DCUN1D4: variants seen among roughly 807,000 people sequenced by gnomAD.
DCUN1D4 encodes the protein defective in cullin neddylation 1 domain containing 4.
DCUN1D4 carries 22 observed loss-of-function variants against 47.9 expected under a neutral mutation model. The ratio of observed to expected loss-of-function variants is 0.46; its 90% CI spans 0.33 to 0.66. The LOEUF (loss-of-function observed/expected upper bound fraction) is 0.66. Among genes scored for constraint, DCUN1D4 ranks in the 30% least tolerant of loss-of-function variants. The probability of loss-of-function intolerance (pLI) is 0.02; values close to 1 mark genes in which losing one functional copy is unlikely to be tolerated. For missense variants in DCUN1D4, 301 were observed against 340.8 expected, an observed-to-expected ratio of 0.88 and a Z score of 0.92; for synonymous variants, 121 against 112.2, an observed-to-expected ratio of 1.08 and a Z score of -0.50.
At chr4:51,888,088 C>T (rs940075019) in intron 6 of DCUN1D4, among the ~76,000 whole-genome samples, 1 of 151,988 alleles carries the variant, frequency 6.6e-6, no homozygotes, top group African/African-American at 2.4e-5. Flanking sequence ...CCAAGCTTGG[C>T]AGAGTGTTTT....
At chr4:51,869,607 A>T (rs967211508) in intron 3 of DCUN1D4, among the ~76,000 whole-genome samples, 8 of 150,488 alleles carry the variant, frequency 5.3e-5, no homozygotes, top group Non-Finnish European at 8.8e-5. Flanking sequence ...CAGAAAGATT[A>T]AAAAAAAAGG....
intron 7 of DCUN1D4, among the ~76,000 whole-genome samples, chr4:51,898,210 GC>G (rs939846232): frequency 5.5e-4 from 83 of 152,218 alleles, no homozygotes; most frequent in African/African-American, 1.9e-3. Context: ...TATGGGAGGA[GC>G]TCCCAGGGAG....
upstream of DCUN1D4, among the ~76,000 whole-genome samples, chr4:51,839,377 T>G (rs1010140802): frequency 6.6e-6 from 1 of 152,228 alleles, no homozygotes; most frequent in Non-Finnish European, 1.5e-5. Flanking sequence ...TCAGTTAACT[T>G]ACCTGTAGAT....
the DCUN1D4 span, among the ~76,000 whole-genome samples, chr4:51,836,197 T>A: frequency 1.3e-5 from 2 of 152,214 alleles, no homozygotes; most frequent in Non-Finnish European, 2.9e-5. Context: ...CTAGGAATTC[T>A]TAACTCAGGA....
At chr4:51,884,341 A>T (rs1356682119) in intron 5 of DCUN1D4, 1 of 152,174 alleles carries the variant, frequency 6.6e-6, no homozygotes, top group African/African-American at 2.4e-5. Context: ...TCTTGTTGTT[A>T]CTTTGTATTG....
chr4:51,890,215 T>G (rs1328966831), intron 6 of DCUN1D4, among the ~76,000 whole-genome samples: 1 of 152,198 alleles, frequency 6.6e-6, no homozygotes, highest in African/African-American at 2.4e-5. Flanking sequence ...TTAATGGACA[T>G]GTTGGCTCTC....
intron 7 of DCUN1D4, 106 bp from the exon 8 acceptor site, chr4:51,899,164 T>C: frequency 7.1e-7 from 1 of 1,404,798 alleles, no homozygotes; most frequent in Non-Finnish European, 9.3e-7. Flanking sequence ...TGTTTCAACT[T>C]CAGGGATTTG....
At chr4:51,875,961 C>T (rs1368016937) in intron 4 of DCUN1D4, among the ~76,000 whole-genome samples, 3 of 151,824 alleles carry the variant, frequency 2.0e-5, no homozygotes, top group Admixed American at 2.0e-4. Context: ...AACACTTGGC[C>T]GGTATCCACT....
intron 1 of DCUN1D4, chr4:51,860,394 C>T (rs1724856941): frequency 6.9e-6 from 2 of 291,538 alleles, no homozygotes; most frequent in Non-Finnish European, 1.4e-5. Context: ...ATTTTTGTTC[C>T]TGTGTGTTGT....
At chr4:51,843,324 C>G in intron 1 of DCUN1D4, 57 bp downstream of exon 1, 2 of 1,490,704 alleles carry the variant, frequency 1.3e-6, no homozygotes, top group Non-Finnish European at 1.8e-6. Context: ...AAACTCGCCA[C>G]TCGGCTCCCG....
Position 51,848,463 on chromosome 4 carries a change from A to G in DCUN1D4, c.25+5196A>G, listed in dbSNP as rs1722889849. On this transcript the variant is annotated intron_variant, in intron 1 of 10. Coordinates refer to ENST00000334635, the MANE Select transcript of DCUN1D4 (RefSeq NM_001040402.3). Reference sequence around the variant, plus strand: ...TAAGGATTTATTTCTTAAGTTAACAATATAGTGAGATCACTGAAAGTCTTT... The same window carrying G: ...TAAGGATTTATTTCTTAAGTTAACAGTATAGTGAGATCACTGAAAGTCTTT... The G allele has an allele frequency of 1.3e-5, 11 of 851,154 alleles. No individual in the cohort carries two copies. In the South Asian group the frequency reaches 4.3e-4, roughly 33 times the overall value. 52.7% of individuals were successfully genotyped at this position (851,154 alleles called of 1,614,324 possible).
intron 3 of DCUN1D4, among the ~76,000 whole-genome samples, chr4:51,870,688 G>A (rs1315834777): frequency 6.6e-6 from 1 of 152,200 alleles, no homozygotes; most frequent in Non-Finnish European, 1.5e-5. Context: ...AGCAGTATGT[G>A]CCTTTGCACG....
intron 9 of DCUN1D4, among the ~76,000 whole-genome samples, chr4:51,912,112 C>T (rs1050632145): frequency 6.6e-6 from 1 of 152,122 alleles, no homozygotes; most frequent in Admixed American, 6.6e-5. Context: ...ACTAGTTTTA[C>T]GTAAGTATCT....
At chr4:51,901,885 A>G (rs903760591) in intron 8 of DCUN1D4, among the ~76,000 whole-genome samples, 2 of 152,254 alleles carry the variant, frequency 1.3e-5, no homozygotes, top group Non-Finnish European at 2.9e-5. Flanking sequence ...ATTACCGGAT[A>G]GATTCAGTTT....
rs990103540 is a variant in DCUN1D4 at position 51,863,324 on chromosome 4, A to T, written c.26-113A>T. On this transcript the variant is annotated intron_variant, in intron 1 of 10. Coordinates refer to ENST00000334635, the MANE Select transcript of DCUN1D4 (RefSeq NM_001040402.3). ...CATGTTTTTAAAAAACTTTAGTGTC[A>T]AATTAATTGAGATAGTATTTAATTA... 9 of 858,040 alleles carry T rather than the reference A, an allele frequency of 1.0e-5. No homozygotes were observed. The Admixed American group carries it at 1.9e-4, about 18-fold the overall frequency. 53.2% of individuals were successfully genotyped at this position (858,040 alleles called of 1,614,324 possible).
chr4:51,916,578 A>G lies in DCUN1D4; in HGVS notation c.*2994A>G, dbSNP rs1734344443. The G allele has an allele frequency of 6.6e-6, 1 of 152,586 alleles. No homozygotes were observed. The highest frequency in any genetic ancestry group is 2.4e-5 in the African/African-American group (1 of 41,448). 9.5% of individuals were successfully genotyped at this position (152,586 alleles called of 1,614,324 possible). A position where few individuals can be genotyped will look rare whatever the true frequency, so the allele number is the denominator to read the frequency against. On this transcript the variant is annotated 3_prime_UTR_variant, in exon 11 of 11. Transcript: ENST00000334635. Reference sequence around the variant, plus strand: ...GTTGGGTGTCTGTAAATGAGACCAAAACGTGGGTTGCTTTTTTCATAAAAT... The same window carrying G: ...GTTGGGTGTCTGTAAATGAGACCAAGACGTGGGTTGCTTTTTTCATAAAAT...
intron 8 of DCUN1D4, among the ~76,000 whole-genome samples, chr4:51,901,833 A>G (rs752381472): frequency 2.4e-4 from 36 of 152,196 alleles, no homozygotes; most frequent in Non-Finnish European, 5.0e-4. Context: ...AAGCCCTTTC[A>G]CATAACAATA....
intron 6 of DCUN1D4, among the ~76,000 whole-genome samples, chr4:51,890,022 T>C (rs958033156): frequency 4.6e-5 from 7 of 152,192 alleles, no homozygotes; most frequent in Non-Finnish European, 2.9e-5. Context: ...TCGTAGGTTC[T>C]CACTGATATT....
chr4:51,842,947 G>C, upstream of DCUN1D4: 1 of 853,740 alleles, frequency 1.2e-6, no homozygotes, highest in Non-Finnish European at 1.6e-6. Flanking sequence ...CCGGAGCATG[G>C]CCTCCGCCAG....
Sources: gnomAD v4.1 joint callset for allele counts (sites outside exome capture counted in the v4.1 genomes callset) on GRCh38, gnomAD v4.1.1 for gene constraint, MANE v1.5 for transcripts, NCBI Gene and HGNC (gene_info 2026-07-23, HGNC 2026-07-21) for gene names.